The following SLIT2 variants were observed in gnomAD, a reference collection of about 807,000 sequenced individuals.
SLIT2 encodes the protein slit homolog 2 protein.
SLIT2 carries 41 observed loss-of-function variants against 185.7 expected under a neutral mutation model. The observed-to-expected ratio is 0.22, with a 90% CI of 0.17 to 0.29. SLIT2 has a LOEUF of 0.29. SLIT2 is among the 10% of genes least tolerant of loss of function. SLIT2 has a pLI of 1.00. For missense variants in SLIT2, 1,571 were observed against 1,909.0 expected (o/e 0.82, Z 3.30); for synonymous variants, 693 against 680.2 (o/e 1.02, Z -0.29).
intron 6 of SLIT2, among the ~76,000 whole-genome samples, chr4:20,483,880 C>A (rs1716950785): frequency 6.6e-6 from 1 of 152,002 alleles, no homozygotes; most frequent in Non-Finnish European, 1.5e-5. Flanking sequence ...CCATAACATA[C>A]ACAAGTAATC....
At chr4:20,540,461 G>T (rs1722707340) in intron 19 of SLIT2, among the ~76,000 whole-genome samples, 1 of 151,850 alleles carries the variant, frequency 6.6e-6, no homozygotes, top group South Asian at 2.1e-4. Flanking sequence ...AAAATAAAGA[G>T]TATTTGTAGG....
At chr4:20,328,246 CA>C (rs1313853929) in intron 4 of SLIT2, among the ~76,000 whole-genome samples, 6 of 151,976 alleles carry the variant, frequency 3.9e-5, no homozygotes, top group Admixed American at 2.6e-4. Flanking sequence ...AGAAATTATT[CA>C]AACAAGTAAT....
chr4:20,451,482 C>G lies in SLIT2; in HGVS notation c.396-16270C>G, dbSNP rs186138794. Among the ~76,000 whole-genome samples the G allele has an allele frequency of 3.4e-3, 510 of 152,150 alleles. 1 individual carries two copies. Among genetic ancestry groups the G allele is most frequent in the Non-Finnish European group, 5.0e-3 (343 of 68,012 alleles). On this transcript the variant is annotated intron_variant, in intron 4 of 36. Coordinates refer to ENST00000504154, the MANE Select transcript of SLIT2 (RefSeq NM_004787.4). ...TTTAAGATATAAAAAAATTTCCAAC[C>G]CTTATAAAATGAAATGTATTCATAT...
chr4:20,302,059 G>T (rs1170175520), intron 4 of SLIT2, among the ~76,000 whole-genome samples: 1 of 152,144 alleles, frequency 6.6e-6, no homozygotes, highest in Non-Finnish European at 1.5e-5. Context: ...GAAAGAGTAT[G>T]TATCTAATAA....
intron 4 of SLIT2, among the ~76,000 whole-genome samples, chr4:20,280,925 T>C (rs1298128233): frequency 1.3e-5 from 2 of 150,604 alleles, no homozygotes; most frequent in South Asian, 4.2e-4. Context: ...CTCCGCCTCC[T>C]GGGTTCAAGC....
At chr4:20,510,240 G>T (rs945374380) in intron 9 of SLIT2, among the ~76,000 whole-genome samples, 10 of 151,982 alleles carry the variant, frequency 6.6e-5, no homozygotes, top group African/African-American at 2.4e-4. Flanking sequence ...ACAAAGTCCA[G>T]ACTTAAATAT....
intron 4 of SLIT2, among the ~76,000 whole-genome samples, chr4:20,382,080 G>T (rs944198382): frequency 6.6e-6 from 1 of 152,146 alleles, no homozygotes; most frequent in Admixed American, 6.5e-5. Flanking sequence ...TTGGCTTTAA[G>T]ATTTGAGAAA....
intron 4 of SLIT2, among the ~76,000 whole-genome samples, chr4:20,449,992 T>C (rs1252944228): frequency 2.0e-5 from 3 of 152,182 alleles, no homozygotes; most frequent in Admixed American, 2.0e-4. Context: ...GAAAACATTA[T>C]TTAAAACATC....
rs753113910 is a variant in SLIT2 at position 20,488,994 on chromosome 4, G to A, written c.775+12G>A. The stretch of plus-strand genomic sequence containing the variant: ...ATTTGTCTGCAGTGGTAAGGGAGAA[G>A]GAAGAGTGATGTTATTGTGTTTATT... On this transcript the variant is annotated intron_variant, in intron 8 of 36. Coordinates refer to ENST00000504154, the MANE Select transcript of SLIT2 (RefSeq NM_004787.4). The A allele has an allele frequency of 2.5e-6, 4 of 1,599,124 alleles. No individual in the cohort carries two copies. Among genetic ancestry groups the A allele is most frequent in the Non-Finnish European group, 3.4e-6 (4 of 1,169,092 alleles).
chr4:20,561,512 G>A (rs747201961), intron 26 of SLIT2, among the ~76,000 whole-genome samples: 2 of 151,602 alleles, frequency 1.3e-5, no homozygotes, highest in Non-Finnish European at 2.9e-5. Context: ...GCATGAAGGT[G>A]ATTAAATAAT....
chr4:20,589,901 T>A (rs1274321238), intron 30 of SLIT2, among the ~76,000 whole-genome samples, 164 bp downstream of exon 30: 1 of 100,010 alleles, frequency 1.0e-5, no homozygotes, highest in East Asian at 3.4e-4. Context: ...CAATATGGAC[T>A]TTTTTTTTTT....
intron 32 of SLIT2, 63 bp from the exon 33 acceptor site, chr4:20,598,202 T>C: frequency 6.4e-7 from 1 of 1,551,940 alleles, no homozygotes; most frequent in Non-Finnish European, 8.8e-7. Flanking sequence ...TAGCAGTCTC[T>C]TTCTGATCAA....
intron 26 of SLIT2, among the ~76,000 whole-genome samples, chr4:20,560,226 G>A (rs73110525): frequency 0.013 from 2,022 of 151,752 alleles, 57 homozygotes; most frequent in African/African-American, 0.046. Context: ...AAATATAGCA[G>A]GAAGACAAAT....
At chr4:20,300,335 A>G (rs1716919471) in intron 4 of SLIT2, among the ~76,000 whole-genome samples, 1 of 152,128 alleles carries the variant, frequency 6.6e-6, no homozygotes, top group South Asian at 2.1e-4. Context: ...ATTTATTTGA[A>G]TTATATAGGG....
At chr4:20,348,150 T>G (rs1721579924) in intron 4 of SLIT2, among the ~76,000 whole-genome samples, 1 of 152,184 alleles carries the variant, frequency 6.6e-6, no homozygotes, top group Admixed American at 6.5e-5. Flanking sequence ...ATTCATAAGT[T>G]TTCAGAGTTT....
intron 4 of SLIT2, chr4:20,394,480 C>T (rs557288655): frequency 6.6e-6 from 1 of 152,050 alleles, no homozygotes; most frequent in Non-Finnish European, 1.5e-5. Context: ...CCTCTCCAAG[C>T]CACCTACTAA....
intron 14 of SLIT2, 152 bp from the exon 15 acceptor site, chr4:20,524,997 A>T: frequency 1.6e-6 from 1 of 620,362 alleles, no homozygotes; most frequent in Non-Finnish European, 2.9e-6. Flanking sequence ...TTTACTACTC[A>T]CTGTACATTA....
At chr4:20,317,368 A>G (rs764272664) in intron 4 of SLIT2, among the ~76,000 whole-genome samples, 3 of 152,092 alleles carry the variant, frequency 2.0e-5, no homozygotes, top group Non-Finnish European at 4.4e-5. Context: ...AAAGCATTCA[A>G]TCTTTAAGTA....
chr4:20,444,115 A>G (rs1218086127), intron 4 of SLIT2, among the ~76,000 whole-genome samples: 2 of 152,202 alleles, frequency 1.3e-5, no homozygotes, highest in Non-Finnish European at 2.9e-5. Context: ...AGAGGTGGAA[A>G]GAAGGAAAGG....
Sources: gnomAD v4.1 joint callset for allele counts (sites outside exome capture counted in the v4.1 genomes callset) on GRCh38, gnomAD v4.1.1 for gene constraint, MANE v1.5 for transcripts, NCBI Gene and HGNC (gene_info 2026-07-23, HGNC 2026-07-21) for gene names.